The following PLD5 variants were observed in gnomAD, a reference collection of about 807,000 sequenced individuals.
PLD5 encodes inactive phospholipase D5.
Under a neutral mutation model 61.1 loss-of-function variants are expected in PLD5, and 36 were observed. That is an observed-to-expected ratio of 0.59 (90% CI 0.45 to 0.78). The LOEUF (loss-of-function observed/expected upper bound fraction) is 0.78, where lower values mean the gene tolerates loss of function less well. Among genes scored for constraint, PLD5 ranks in the 30% least tolerant of loss-of-function variants. The pLI is 0.00. For synonymous variants in PLD5, 243 were observed against 242.8 expected (o/e 1.00, Z -0.01); for missense variants, 515 against 644.4 (o/e 0.80, Z 2.17).
intron 1 of PLD5, among the ~76,000 whole-genome samples, chr1:242,522,809 A>G (rs2654905): frequency 0.36 from 54,548 of 152,122 alleles, 10,046 homozygotes; most frequent in African/African-American, 0.41. Context: ...CGACTTCCAT[A>G]GTCTTAAGGA....
At chr1:242,190,441 C>T (rs1184884696) in intron 5 of PLD5, among the ~76,000 whole-genome samples, 12 of 151,902 alleles carry the variant, frequency 7.9e-5, no homozygotes, top group Middle Eastern at 3.2e-3. Context: ...CCACCGCGCC[C>T]GGCCCATTGC....
At chr1:242,455,203 T>C (rs1249744712) in intron 1 of PLD5, among the ~76,000 whole-genome samples, 1 of 152,238 alleles carries the variant, frequency 6.6e-6, no homozygotes, top group Non-Finnish European at 1.5e-5. Context: ...CCTATTTTAA[T>C]GCCAGAATTT....
chr1:242,248,796 A>C (rs1288013476), intron 4 of PLD5, among the ~76,000 whole-genome samples: 1 of 152,174 alleles, frequency 6.6e-6, no homozygotes, highest in Non-Finnish European at 1.5e-5. Flanking sequence ...AAAATTGTGT[A>C]TCTCCACACT....
intron 1 of PLD5, among the ~76,000 whole-genome samples, chr1:242,512,061 C>A (rs1295311393): frequency 6.6e-6 from 1 of 151,960 alleles, no homozygotes; most frequent in Admixed American, 6.6e-5. Context: ...TCAGTTGAGT[C>A]AGAAAGTCAG....
At chr1:242,281,013 T>C (rs991207747) in intron 3 of PLD5, among the ~76,000 whole-genome samples, 5 of 151,956 alleles carry the variant, frequency 3.3e-5, no homozygotes, top group African/African-American at 4.8e-5. Flanking sequence ...CCAGGGAAGA[T>C]GGAGAATGGA....
At chr1:242,183,397 A>T (rs7533574) in intron 5 of PLD5, among the ~76,000 whole-genome samples, 3,870 of 152,200 alleles carry the variant, frequency 0.025, 180 homozygotes, top group African/African-American at 0.087. Context: ...ATAATGTATA[A>T]TGCTTTATTT....
intron 6 of PLD5, among the ~76,000 whole-genome samples, chr1:242,117,639 A>T (rs1662048895): frequency 6.6e-6 from 1 of 152,160 alleles, no homozygotes; most frequent in South Asian, 2.1e-4. Context: ...TCGGCCTCCC[A>T]AAGTGCTGGG....
At chr1:242,127,487 A>G (rs1042756042) in intron 5 of PLD5, among the ~76,000 whole-genome samples, 1 of 152,218 alleles carries the variant, frequency 6.6e-6, no homozygotes, top group Non-Finnish European at 1.5e-5. Context: ...AAAGGAATGA[A>G]TTAATGGCAT....
At chr1:242,112,283 C>CTGTGTGTGTGTGTGTGTGTGTG (rs748175841) in intron 7 of PLD5, among the ~76,000 whole-genome samples, 1 of 119,652 alleles carries the variant, frequency 8.4e-6, no homozygotes, top group African/African-American at 2.9e-5. Context: ...AAAGGATGCA[C>CTGTGTGTGTGTGTGTGTGTGTG]TGTGTGTGTG....
At chr1:242,227,975 A>C (rs1392089166) in intron 4 of PLD5, among the ~76,000 whole-genome samples, 1 of 152,210 alleles carries the variant, frequency 6.6e-6, no homozygotes, top group African/African-American at 2.4e-5. Flanking sequence ...TTCCGTTCCG[A>C]ATCTTCTCCA....
At chr1:242,181,129 C>T (rs1667490781) in intron 5 of PLD5, among the ~76,000 whole-genome samples, 1 of 152,166 alleles carries the variant, frequency 6.6e-6, no homozygotes. Context: ...TTAACATGCA[C>T]ACAAATCACC....
intron 8 of PLD5, among the ~76,000 whole-genome samples, chr1:242,103,193 G>A (rs1342924940): frequency 2.6e-5 from 4 of 152,134 alleles, no homozygotes; most frequent in Admixed American, 1.3e-4. Context: ...CTCTGAGTGC[G>A]AGTGTACTGA....
chr1:242,111,057 ATTTTT>A (rs112040049), intron 7 of PLD5, among the ~76,000 whole-genome samples: 5 of 145,418 alleles, frequency 3.4e-5, no homozygotes, highest in African/African-American at 1.3e-4. Context: ...GGGCTTCTGA[ATTTTT>A]TTTTTTTTTT....
intron 2 of PLD5, among the ~76,000 whole-genome samples, chr1:242,331,237 G>T (rs900573572): frequency 6.6e-6 from 1 of 152,136 alleles, no homozygotes; most frequent in African/African-American, 2.4e-5. Context: ...AGCGTGCAGC[G>T]ATTAAGACAT....
chr1:242,215,292 T>A (rs1433676065), intron 5 of PLD5, among the ~76,000 whole-genome samples: 1 of 152,024 alleles, frequency 6.6e-6, no homozygotes, highest in Non-Finnish European at 1.5e-5. Context: ...TTTTGTCACA[T>A]GTGGAATATC....
intron 5 of PLD5, among the ~76,000 whole-genome samples, chr1:242,158,051 C>A (rs1665527657): frequency 6.6e-6 from 1 of 152,120 alleles, no homozygotes; most frequent in African/African-American, 2.4e-5. Flanking sequence ...CCTTCCTGAG[C>A]TCTGGTGGGC....
rs372187212 is a variant in PLD5, at chr1:242,222,476, G to C, written c.608-2361C>G. On this transcript the variant is annotated intron_variant, in intron 4 of 9. Transcript: ENST00000536534. Reference sequence around the variant, plus strand: ...CATGCACCTTGTCAAGCCTTCCCCTGCTCTCTTATTCTGCCTAGAAACTCC... The same window carrying C: ...CATGCACCTTGTCAAGCCTTCCCCTCCTCTCTTATTCTGCCTAGAAACTCC... 2.6e-5 allele frequency among the ~76,000 whole-genome samples: 4 copies of C among 152,272 alleles called. 1 individual carries two copies. The highest frequency in any genetic ancestry group is 2.6e-4 in the Admixed American group (4 of 15,296).
At chr1:242,253,784 G>A (rs1013313594) in intron 4 of PLD5, among the ~76,000 whole-genome samples, 24 of 152,118 alleles carry the variant, frequency 1.6e-4, no homozygotes, top group African/African-American at 5.6e-4. Context: ...TATGTATTAG[G>A]GATAAAAATA....
At chr1:242,377,298 G>A in intron 1 of PLD5, 3 of 1,607,560 alleles carry the variant, frequency 1.9e-6, no homozygotes, top group Non-Finnish European at 1.7e-6. Flanking sequence ...GCCACACACG[G>A]CACACTTGTG....
Sources: gnomAD v4.1 joint callset for allele counts (sites outside exome capture counted in the v4.1 genomes callset) on GRCh38, gnomAD v4.1.1 for gene constraint, MANE v1.5 for transcripts, NCBI Gene and HGNC (gene_info 2026-07-23, HGNC 2026-07-21) for gene names.